PDE4B: variants seen among roughly 807,000 people sequenced by gnomAD.
PDE4B encodes 3',5'-cyclic-AMP phosphodiesterase 4B.
A neutral mutation model predicts 82.2 loss-of-function variants in PDE4B; 20 were observed. That is an observed-to-expected ratio of 0.24 (90% CI 0.17 to 0.35). The LOEUF (loss-of-function observed/expected upper bound fraction) is 0.35. PDE4B is among the 10% of genes least tolerant of loss of function. The pLI, the probability that PDE4B is intolerant of heterozygous loss-of-function variation, is 1.00. For synonymous variants in PDE4B, 320 were observed against 318.9 expected (o/e 1.00, Z -0.04); for missense variants, 655 against 907.2 (o/e 0.72, Z 3.57).
chr1:66,327,992 C>G (rs1440445689), intron 7 of PDE4B, among the ~76,000 whole-genome samples: 1 of 152,188 alleles, frequency 6.6e-6, no homozygotes, highest in Non-Finnish European at 1.5e-5. Context: ...TCTCTGATTT[C>G]TTAGTTTATG....
intron 3 of PDE4B, among the ~76,000 whole-genome samples, chr1:66,015,991 A>G (rs542844443): frequency 6.6e-6 from 1 of 152,336 alleles, no homozygotes; most frequent in South Asian, 2.1e-4. Flanking sequence ...GATGCATAAG[A>G]CAAAATGCTT....
intron 3 of PDE4B, among the ~76,000 whole-genome samples, chr1:66,206,270 C>G (rs493098): frequency 0.39 from 59,369 of 152,056 alleles, 11,771 homozygotes; most frequent in Non-Finnish European, 0.42. Context: ...CAATTATGAG[C>G]TAGCTTCAGA....
intron 3 of PDE4B, among the ~76,000 whole-genome samples, chr1:66,120,468 A>G (rs912344995): frequency 2.0e-5 from 3 of 152,182 alleles, no homozygotes; most frequent in African/African-American, 4.8e-5. Flanking sequence ...TCTTTCCATC[A>G]TATCTCCTGA....
At chr1:66,087,699 T>A (rs1393415187) in intron 3 of PDE4B, among the ~76,000 whole-genome samples, 1 of 151,978 alleles carries the variant, frequency 6.6e-6, no homozygotes, top group African/African-American at 2.4e-5. Flanking sequence ...TAAAAAATGA[T>A]GAGTTCATGT....
chr1:66,072,937 G>T (rs990488973), intron 3 of PDE4B, among the ~76,000 whole-genome samples: 4 of 151,466 alleles, frequency 2.6e-5, no homozygotes, highest in Non-Finnish European at 5.9e-5. Context: ...AGGTGGAGGT[G>T]AAGTAAACAA....
Position 66,372,147 on chromosome 1 carries a change from C to G in PDE4B, c.1846-166C>G, listed in dbSNP as rs572091328. Among the ~76,000 whole-genome samples, 41 of 152,326 alleles carry G rather than the reference C, an allele frequency of 2.7e-4. 1 individual carries two copies. Among genetic ancestry groups the G allele is most frequent in the African/African-American group, 9.4e-4 (39 of 41,572 alleles). On this transcript the variant is annotated intron_variant, in intron 16 of 16. Transcript: ENST00000341517. ...GGATTAAGAGAGAATACATCGATTG[C>G]ATTCAGTGTAAGACCCACTGTATTG...
chr1:65,844,226 A>AG (rs1410209594), intron 1 of PDE4B, among the ~76,000 whole-genome samples: 2 of 152,222 alleles, frequency 1.3e-5, no homozygotes, highest in Non-Finnish European at 1.5e-5. Context: ...AGTATTTATT[A>AG]GGTATTCATG....
intron 3 of PDE4B, among the ~76,000 whole-genome samples, chr1:65,923,790 T>A (rs150827909): frequency 6.6e-6 from 1 of 152,174 alleles, no homozygotes; most frequent in Non-Finnish European, 1.5e-5. Context: ...AGTTGAACTT[T>A]GATGTGCCTA....
At chr1:66,099,127 C>T (rs1256685369) in intron 3 of PDE4B, among the ~76,000 whole-genome samples, 1 of 152,112 alleles carries the variant, frequency 6.6e-6, no homozygotes, top group Non-Finnish European at 1.5e-5. Flanking sequence ...AACTCATCAC[C>T]TAGGTATGGC....
At chr1:66,091,832 C>A (rs1435238146) in intron 3 of PDE4B, among the ~76,000 whole-genome samples, 1 of 152,026 alleles carries the variant, frequency 6.6e-6, no homozygotes, top group Non-Finnish European at 1.5e-5. Context: ...CCAGCATGAC[C>A]AACATTAGCT....
intron 3 of PDE4B, among the ~76,000 whole-genome samples, chr1:66,194,525 TAAGG>T (rs1230016775): frequency 6.6e-6 from 1 of 152,100 alleles, no homozygotes; most frequent in Non-Finnish European, 1.5e-5. Context: ...ATGAATAAAT[TAAGG>T]AAGATAATTT....
At chr1:66,355,494 A>C (rs1275585668) in intron 8 of PDE4B, 33 bp from the exon 9 acceptor site, 1 of 1,356,866 alleles carries the variant, frequency 7.4e-7, no homozygotes, top group Non-Finnish European at 1.1e-6. Flanking sequence ...CTCTTTTTAA[A>C]GTGGTTAATG....
At chr1:65,866,506 C>T (rs759454555) in intron 1 of PDE4B, among the ~76,000 whole-genome samples, 3 of 152,110 alleles carry the variant, frequency 2.0e-5, no homozygotes, top group Non-Finnish European at 2.9e-5. Context: ...TTTGAATTTC[C>T]CTGTATTCAC....
At chr1:66,139,823 C>A (rs1378844109) in intron 3 of PDE4B, among the ~76,000 whole-genome samples, 1 of 151,792 alleles carries the variant, frequency 6.6e-6, no homozygotes, top group African/African-American at 2.4e-5. Flanking sequence ...TCTGCTGACT[C>A]TCCAGCTCTA....
chr1:66,268,977 C>T (rs1024183566), intron 7 of PDE4B, among the ~76,000 whole-genome samples: 5 of 152,060 alleles, frequency 3.3e-5, no homozygotes, highest in South Asian at 2.1e-4. Context: ...ATGGTGCTTT[C>T]GCATAGTTAT....
rs140751839 is a variant in PDE4B, at chr1:65,997,312, C to T, written c.281+78477C>T. On this transcript the variant is annotated intron_variant, in intron 3 of 16. Coordinates refer to ENST00000341517, the MANE Select transcript of PDE4B (RefSeq NM_002600.4). ...AAAAGAGGCTTGTATTCCTTCTTCT[C>T]GTTTAGTTTTACCTGTATCTTGGAA... 2.1e-3 allele frequency among the ~76,000 whole-genome samples: 313 copies of T among 152,134 alleles called. 3 individuals carry two copies. The highest frequency in any genetic ancestry group is 6.9e-3 in the African/African-American group (288 of 41,522).
intron 4 of PDE4B, chr1:66,257,297 C>T (rs145665873): frequency 2.9e-4 from 117 of 398,562 alleles, no homozygotes; most frequent in East Asian, 6.4e-4. Flanking sequence ...GAGCAGCCCT[C>T]CCTTTGAATT....
chr1:65,879,814 A>C (rs1646690162), intron 1 of PDE4B, among the ~76,000 whole-genome samples: 1 of 152,224 alleles, frequency 6.6e-6, no homozygotes, highest in Admixed American at 6.6e-5. Context: ...ACCAAACTTA[A>C]GGGCTGTTTA....
intron 3 of PDE4B, among the ~76,000 whole-genome samples, chr1:66,056,476 T>TCTAC (rs1655298308): frequency 1.4e-5 from 2 of 145,598 alleles, no homozygotes; most frequent in South Asian, 4.5e-4. Flanking sequence ...TATCTATCTA[T>TCTAC]CTATCTATCA....
Sources: gnomAD v4.1 joint callset for allele counts (sites outside exome capture counted in the v4.1 genomes callset) on GRCh38, gnomAD v4.1.1 for gene constraint, MANE v1.5 for transcripts, NCBI Gene and HGNC (gene_info 2026-07-23, HGNC 2026-07-21) for gene names.